Variants in MRPL15 observed in about 807,000 individuals in gnomAD.
The protein encoded by MRPL15 is mitochondrial ribosomal protein L15.
Under a neutral mutation model 28.0 loss-of-function variants are expected in MRPL15, and 24 were observed. The ratio of observed to expected loss-of-function variants is 0.86; its 90% CI spans 0.62 to 1.21. The LOEUF is 1.21. MRPL15 is among the 50% of genes most tolerant of loss of function. The pLI is 0.00. For missense variants in MRPL15, 343 were observed against 372.4 expected (o/e 0.92, Z 0.65); for synonymous variants, 124 against 137.0 (o/e 0.90, Z 0.66).
intron 4 of MRPL15, among the ~76,000 whole-genome samples, chr8:54,143,087 C>CTT (rs563610061): frequency 6.8e-6 from 1 of 147,280 alleles, no homozygotes; most frequent in Non-Finnish European, 1.5e-5. Flanking sequence ...TCTTTTCTCT[C>CTT]TTTTTTTTTT....
chr8:54,136,042 G>A (rs1458956423), intron 1 of MRPL15, among the ~76,000 whole-genome samples: 1 of 152,164 alleles, frequency 6.6e-6, no homozygotes, highest in Non-Finnish European at 1.5e-5. Flanking sequence ...ACAATGTACT[G>A]TCATTTTAAC....
At position 54,137,374 on chromosome 8, in the gene MRPL15, G is replaced by T. The variant is rs1464164664; in HGVS notation, c.370G>T (p.Gly124Trp). The change falls in exon 3 of 5, where the codon GGG becomes TGG. Residue 124 changes from glycine to tryptophan, a missense_variant. By Grantham distance (184) the Gly-to-Trp change is radical (BLOSUM62 -2). Transcript: ENST00000260102. The part of the protein sequence containing the change: ...QPIDLTQLVN[G>W]RGVTIQPLKR... ...TATTGACTTAACCCAGCTTGTCAAT[G>T]GGAGAGGTGTGACCATCCAGCCACT... 1 of 1,614,106 alleles carries T rather than the reference G, an allele frequency of 6.2e-7. No homozygotes were observed. Among genetic ancestry groups the T allele is most frequent in the Non-Finnish European group, 8.5e-7 (1 of 1,180,004 alleles).
intron 1 of MRPL15, 52 bp downstream of exon 1, chr8:54,135,443 G>A (rs981577850): frequency 4.8e-6 from 7 of 1,456,958 alleles, no homozygotes; most frequent in Non-Finnish European, 6.5e-6. Context: ...GGCGATGAAA[G>A]CGGCCCTTCT....
chr8:54,145,509 G>T (rs962689527), intron 4 of MRPL15, among the ~76,000 whole-genome samples: 17 of 151,618 alleles, frequency 1.1e-4, no homozygotes, highest in African/African-American at 4.1e-4. Flanking sequence ...TTTCATTTGA[G>T]ATGGTCTTGC....
chr8:54,137,333 T>C lies in MRPL15; in HGVS notation c.329T>C (p.Val110Ala). 6.2e-7 allele frequency: 1 copy of C among 1,614,128 alleles called. No individual in the cohort carries two copies. The highest frequency in any genetic ancestry group is 1.1e-5 in the South Asian group (1 of 91,074). The change falls in exon 3 of 5, where the codon GTT becomes GCT. Residue 110 changes from valine (V) to alanine (A), a missense_variant. Val to Ala is a moderately conservative substitution (Grantham distance 64). Transcript: ENST00000260102. ...RLQYLIDLGR[V>A]DPSQPIDLTQ... ...CAGTATCTTATTGATTTGGGTCGTG[T>C]TGATCCTAGTCAACCTATTGACTTA...
In MRPL15 at chr8:54,138,249, C is replaced by T. The variant is rs542170135; in HGVS notation, c.429+816C>T. ...GATTACAGGCGTGAGCCACCGCCCA[C>T]GGCGCCCCCTTCTTTTGGTTCTCTG... On this transcript the variant is annotated intron_variant, in intron 3 of 4. Transcript: ENST00000260102. Among the ~76,000 whole-genome samples the T allele has an allele frequency of 4.1e-4, 61 of 148,358 alleles. 1 individual carries two copies. The South Asian group carries it at 9.7e-3, about 24-fold the overall frequency.
At chr8:54,143,132 G>C (rs1470677331) in intron 4 of MRPL15, among the ~76,000 whole-genome samples, 1 of 151,962 alleles carries the variant, frequency 6.6e-6, no homozygotes, top group African/African-American at 2.4e-5. Context: ...CCAGGCTGGA[G>C]TGCAGTGGCG....
intron 3 of MRPL15, among the ~76,000 whole-genome samples, chr8:54,140,536 T>G (rs1052323449): frequency 6.7e-6 from 1 of 149,716 alleles, no homozygotes; most frequent in African/African-American, 2.5e-5. Flanking sequence ...GTGCTAGGAT[T>G]GAGTCACCGC....
chr8:54,142,354 C>T (rs1034959983), intron 3 of MRPL15, among the ~76,000 whole-genome samples: 1 of 151,896 alleles, frequency 6.6e-6, no homozygotes, highest in African/African-American at 2.4e-5. Context: ...TGGGGTTTCT[C>T]CATGTTGGGC....
At chr8:54,137,545 C>A in intron 3 of MRPL15, 112 bp downstream of exon 3, 1 of 927,322 alleles carries the variant, frequency 1.1e-6, no homozygotes, top group Non-Finnish European at 1.6e-6. Context: ...CTCCTGCAAC[C>A]TCCACCTCAC....
At chr8:54,145,606 TGG>T (rs1176339718) in intron 4 of MRPL15, among the ~76,000 whole-genome samples, 2 of 152,072 alleles carry the variant, frequency 1.3e-5, no homozygotes, top group Non-Finnish European at 2.9e-5. Context: ...CCTGAGTAAC[TGG>T]GACTACAGGT....
chr8:54,135,419 G>C, intron 1 of MRPL15, 28 bp downstream of exon 1: 1 of 1,516,826 alleles, frequency 6.6e-7, no homozygotes, highest in South Asian at 1.2e-5. Flanking sequence ...GTGCGGGGAA[G>C]CGCTGGGGAC....
At position 54,147,445 on chromosome 8, in the gene MRPL15, C is replaced by T. The variant is rs184808605; in HGVS notation, c.617C>T (p.Pro206Leu). 1.2e-6 allele frequency: 2 copies of T among 1,614,036 alleles called. No individual in the cohort carries two copies. ...RGQPIPKRMLPPEELVPYYTD... is the reference protein window; with the variant it reads ...RGQPIPKRMLLPEELVPYYTD... ...CAACCCATTCCAAAAAGAATGCTTC[C>T]ACCAGAAGAACTGGTACCATATTAC... The change falls in exon 5 of 5, where the codon CCA (proline) becomes CTA (leucine). Residue 206 changes from proline to leucine, a missense_variant. By Grantham distance (98) the Pro-to-Leu change is moderately conservative (BLOSUM62 -3). Transcript: ENST00000260102.
Position 54,135,305 on chromosome 8 carries a change from G to C in MRPL15, c.22G>C (p.Gly8Arg), listed in dbSNP as rs1810808218. The C allele has an allele frequency of 7.1e-7, 1 of 1,411,472 alleles. No individual in the cohort carries two copies. Among genetic ancestry groups the C allele is most frequent in the African/African-American group, 1.5e-5 (1 of 66,764 alleles). The allele number at this position is 1,411,472 out of a possible 1,614,324, so 87.4% of individuals were successfully genotyped here. A position where few individuals can be genotyped will look rare whatever the true frequency, so the allele number is the denominator to read the frequency against. Reference sequence around the variant, plus strand: ...GGTTATGGCCGGTCCCTTGCAGGGCGGTGGGGCCCGGGCCCTGGACCTACT... The same window carrying C: ...GGTTATGGCCGGTCCCTTGCAGGGCCGTGGGGCCCGGGCCCTGGACCTACT... Reference protein sequence around the residue: MAGPLQGGGARALDLLRG... With the variant: MAGPLQGRGARALDLLRG... Residue 8 changes from glycine to arginine, a missense_variant, in exon 1 of 5, where the codon GGT becomes CGT. Coordinates refer to ENST00000260102, the MANE Select transcript of MRPL15 (RefSeq NM_014175.4).
chr8:54,142,556 G>T, intron 3 of MRPL15, 107 bp from the exon 4 acceptor site: 1 of 1,334,898 alleles, frequency 7.5e-7, no homozygotes. Flanking sequence ...GTATTGTTAT[G>T]TTATAGGCAC....
At chr8:54,136,928 C>T (rs1438404276) in intron 2 of MRPL15, among the ~76,000 whole-genome samples, 1 of 152,110 alleles carries the variant, frequency 6.6e-6, no homozygotes, top group Non-Finnish European at 1.5e-5. Flanking sequence ...CAATAATAGA[C>T]AGTATACATA....
At chr8:54,141,321 T>A (rs1028187955) in intron 3 of MRPL15, among the ~76,000 whole-genome samples, 1 of 152,186 alleles carries the variant, frequency 6.6e-6, no homozygotes, top group African/African-American at 2.4e-5. Flanking sequence ...AAGTTGGTAT[T>A]TCCATTTATG....
intron 3 of MRPL15, among the ~76,000 whole-genome samples, chr8:54,141,392 TC>T (rs1398834992): frequency 6.6e-6 from 1 of 152,146 alleles, no homozygotes; most frequent in African/African-American, 2.4e-5. Context: ...ATAGCAATAA[TC>T]CTATCATAAG....
At chr8:54,145,017 C>T (rs1811019863) in intron 4 of MRPL15, among the ~76,000 whole-genome samples, 1 of 152,064 alleles carries the variant, frequency 6.6e-6, no homozygotes, top group African/African-American at 2.4e-5. Context: ...AGCCAGATGC[C>T]CTCTGCCACA....
Sources: allele counts gnomAD v4.1 joint callset (sites outside exome capture counted in the v4.1 genomes callset), GRCh38; gene constraint gnomAD v4.1.1; transcripts MANE v1.5; gene names NCBI Gene and HGNC (gene_info 2026-07-23, HGNC 2026-07-21).